Variants in MDGA2 observed in about 807,000 individuals in gnomAD.
MDGA2 encodes MAM domain-containing glycosylphosphatidylinositol anchor protein 2.
Under a neutral mutation model 117.8 loss-of-function variants are expected in MDGA2, and 40 were observed. That is an observed-to-expected ratio of 0.34 (90% CI 0.26 to 0.44). The LOEUF (loss-of-function observed/expected upper bound fraction) is 0.44, where lower values mean the gene tolerates loss of function less well. MDGA2 is among the 20% of genes least tolerant of loss of function. The probability of loss-of-function intolerance (pLI) is 1.00; values close to 1 mark genes in which losing one functional copy is unlikely to be tolerated. For synonymous variants in MDGA2, 452 were observed against 439.0 expected, an observed-to-expected ratio of 1.03 and a Z score of -0.37; for missense variants, 1,123 against 1,250.6, an observed-to-expected ratio of 0.90 and a Z score of 1.54.
chr14:46,845,034 G>A (rs560757773), intron 16 of MDGA2, among the ~76,000 whole-genome samples: 1 of 152,088 alleles, frequency 6.6e-6, no homozygotes, highest in Non-Finnish European at 1.5e-5. Flanking sequence ...GGGACTACAC[G>A]CCCGGCTAAT....
At chr14:47,552,649 TTC>T (rs1469478667) in intron 1 of MDGA2, among the ~76,000 whole-genome samples, 3 of 152,280 alleles carry the variant, frequency 2.0e-5, no homozygotes, top group South Asian at 4.1e-4. Context: ...GTCTTTTTCT[TTC>T]TCTCTGTTAA....
intron 10 of MDGA2, among the ~76,000 whole-genome samples, chr14:46,893,717 T>C (rs1263978373): frequency 6.6e-6 from 1 of 152,048 alleles, no homozygotes; most frequent in Non-Finnish European, 1.5e-5. Flanking sequence ...AGGAACAATT[T>C]TGACGACTAC....
At position 47,215,496 on chromosome 14, in the gene MDGA2, G is replaced by C. The variant is rs1014353602; in HGVS notation, c.595+2525C>G. On this transcript the variant is annotated intron_variant, in intron 3 of 16. Coordinates refer to ENST00000399232, the MANE Select transcript of MDGA2 (RefSeq NM_001113498.3). The stretch of plus-strand genomic sequence containing the variant: ...CTAAAAACTCTGGTCTTCAATCAAG[G>C]TTGTATTTGGAGCACATGGACTCCT... 5.3e-5 allele frequency among the ~76,000 whole-genome samples: 8 copies of C among 152,162 alleles called. No individual in the cohort carries two copies. The East Asian group carries it at 1.5e-3, about 29-fold the overall frequency.
intron 1 of MDGA2, among the ~76,000 whole-genome samples, chr14:47,664,925 C>G (rs935625380): frequency 5.3e-5 from 8 of 152,176 alleles, no homozygotes; most frequent in African/African-American, 1.9e-4. Context: ...GCACATTTAA[C>G]ACACACACAC....
At chr14:46,917,530 G>A (rs974621896) in intron 10 of MDGA2, among the ~76,000 whole-genome samples, 3 of 152,068 alleles carry the variant, frequency 2.0e-5, no homozygotes, top group African/African-American at 7.2e-5. Flanking sequence ...ATATGAGGCC[G>A]TATTGGCTAG....
intron 1 of MDGA2, among the ~76,000 whole-genome samples, chr14:47,356,213 G>C (rs1463504822): frequency 2.0e-5 from 3 of 152,142 alleles, no homozygotes; most frequent in Non-Finnish European, 4.4e-5. Flanking sequence ...ATATCAAATT[G>C]GTTTTCAGAA....
intron 8 of MDGA2, among the ~76,000 whole-genome samples, chr14:46,963,810 T>C (rs1272130064): frequency 6.6e-6 from 1 of 152,226 alleles, no homozygotes; most frequent in African/African-American, 2.4e-5. Flanking sequence ...CCAATCATTG[T>C]TGCATCCTAT....
At chr14:47,359,748 C>CA (rs71448198) in intron 1 of MDGA2, among the ~76,000 whole-genome samples, 56,397 of 110,412 alleles carry the variant, frequency 0.51, 13,215 homozygotes, top group Admixed American at 0.64. Flanking sequence ...AAGACTGTCT[C>CA]AAAAAAAAAA....
intron 2 of MDGA2, among the ~76,000 whole-genome samples, chr14:47,228,307 T>C (rs1055833539): frequency 1.3e-5 from 2 of 152,232 alleles, no homozygotes; most frequent in East Asian, 3.8e-4. Context: ...CAGAGGACTT[T>C]GTGGAACTCA....
chr14:47,035,349 G>A (rs943587122), intron 7 of MDGA2, 45 bp from the exon 8 acceptor site: 1 of 1,467,652 alleles, frequency 6.8e-7, no homozygotes. Flanking sequence ...GTATAAACTG[G>A]TAAAGCATAT....
At chr14:47,613,098 G>A (rs1159322804) in intron 1 of MDGA2, among the ~76,000 whole-genome samples, 2 of 152,098 alleles carry the variant, frequency 1.3e-5, no homozygotes, top group Non-Finnish European at 2.9e-5. Flanking sequence ...CATTGTTATA[G>A]TTTTCTCATT....
intron 1 of MDGA2, among the ~76,000 whole-genome samples, chr14:47,640,461 GGTT>G (rs1338974274): frequency 6.6e-6 from 1 of 151,980 alleles, no homozygotes; most frequent in African/African-American, 2.4e-5. Flanking sequence ...TTATTGTTGT[GGTT>G]GTTGGCTTTT....
chr14:47,398,547 G>C (rs916334549), intron 1 of MDGA2, among the ~76,000 whole-genome samples: 3 of 152,104 alleles, frequency 2.0e-5, no homozygotes, highest in African/African-American at 4.8e-5. Context: ...ATAAATGATA[G>C]TTATTGTTAA....
At chr14:46,985,320 T>C (rs999490278) in intron 8 of MDGA2, among the ~76,000 whole-genome samples, 34 of 152,080 alleles carry the variant, frequency 2.2e-4, no homozygotes, top group African/African-American at 8.0e-4. Context: ...TGTTTTCTAC[T>C]ACTAATTTGT....
intron 3 of MDGA2, among the ~76,000 whole-genome samples, chr14:47,190,252 T>TA (rs1459419562): frequency 6.6e-6 from 1 of 152,220 alleles, no homozygotes; most frequent in Non-Finnish European, 1.5e-5. Flanking sequence ...GCTGCTGTGG[T>TA]AAAATAGCAT....
intron 1 of MDGA2, among the ~76,000 whole-genome samples, chr14:47,359,748 CAAAAA>C (rs71448198): frequency 5.4e-5 from 6 of 110,782 alleles, no homozygotes; most frequent in Non-Finnish European, 1.1e-4. Flanking sequence ...AAGACTGTCT[CAAAAA>C]AAAAAAAAAA....
chr14:47,090,143 T>C (rs886427666), intron 6 of MDGA2, among the ~76,000 whole-genome samples: 6 of 152,128 alleles, frequency 3.9e-5, no homozygotes, highest in African/African-American at 1.2e-4. Context: ...TTATTTAATA[T>C]TAAAATTCAT....
intron 10 of MDGA2, among the ~76,000 whole-genome samples, chr14:46,911,053 T>G (rs1883681225): frequency 6.6e-6 from 1 of 152,120 alleles, no homozygotes. Flanking sequence ...GTACTAGGAT[T>G]AATACCTGGG....
chr14:47,019,771 G>A lies in MDGA2; in HGVS notation c.1819+15240C>T, dbSNP rs1012911608. 5.9e-5 allele frequency among the ~76,000 whole-genome samples: 9 copies of A among 151,276 alleles called. No individual in the cohort carries two copies. The South Asian group carries it at 1.9e-3, about 32-fold the overall frequency. ...AGGCAGGAGAATGACGTGAACCCGG[G>A]AGGCGGAGCTTGCAGTGAGCCGAGA... On this transcript the variant is annotated intron_variant, in intron 8 of 16. Transcript: ENST00000399232.
Sources: gnomAD v4.1 joint callset for allele counts (sites outside exome capture counted in the v4.1 genomes callset) on GRCh38, gnomAD v4.1.1 for gene constraint, MANE v1.5 for transcripts, NCBI Gene and HGNC (gene_info 2026-07-23, HGNC 2026-07-21) for gene names.